SSPN: variants seen among roughly 807,000 people sequenced by gnomAD.
SSPN encodes the protein sarcospan.
In SSPN, 15 loss-of-function variants were observed where a neutral mutation model predicts 19.1. The observed-to-expected ratio is 0.78, with a 90% CI of 0.52 to 1.21. SSPN has a LOEUF of 1.21. Among genes scored for constraint, SSPN ranks in the 50% most tolerant of loss-of-function variants. The pLI, the probability that SSPN is intolerant of heterozygous loss-of-function variation, is 0.00. For synonymous variants in SSPN, 147 were observed against 140.3 expected, an observed-to-expected ratio of 1.05 and a Z score of -0.34; for missense variants, 291 against 314.0, an observed-to-expected ratio of 0.93 and a Z score of 0.55.
intron 1 of SSPN, among the ~76,000 whole-genome samples, chr12:26,136,579 T>C (rs1176339080): frequency 6.6e-6 from 1 of 152,194 alleles, no homozygotes; most frequent in East Asian, 1.9e-4. Context: ...TTGAGCTGCT[T>C]GGTTAAAATT....
intron 1 of SSPN, among the ~76,000 whole-genome samples, chr12:26,218,415 C>T (rs1945082918): frequency 8.7e-6 from 1 of 115,428 alleles, no homozygotes. Context: ...GTGCAGCGCA[C>T]CAGCATGGCA....
At chr12:26,201,029 A>ATATATAT (rs1944876391) in intron 1 of SSPN, among the ~76,000 whole-genome samples, 1 of 38,624 alleles carries the variant, frequency 2.6e-5, no homozygotes, top group African/African-American at 1.1e-4. Context: ...ATATATATAT[A>ATATATAT]TATATATATA....
intron 1 of SSPN, among the ~76,000 whole-genome samples, chr12:26,167,322 A>G (rs569222124): frequency 2.0e-5 from 3 of 152,042 alleles, no homozygotes; most frequent in Non-Finnish European, 2.9e-5. Flanking sequence ...TGTTTATGCT[A>G]CCTACATATT....
In SSPN at chr12:26,154,420, CA is replaced by C. The variant is rs577508433; in HGVS notation, c.-31+32269del. Among the ~76,000 whole-genome samples the C allele has an allele frequency of 4.9e-4, 74 of 152,272 alleles. 3 individuals carry two copies. The South Asian group carries it at 0.014, about 28-fold the overall frequency. Reference sequence around the variant, plus strand: ...AGATCAACACTGCATTAGAGTATGACACCTGAAATCTTAGCAGCAGGGCCTT... The same window carrying C: ...AGATCAACACTGCATTAGAGTATGACCCTGAAATCTTAGCAGCAGGGCCTT... On this transcript the variant is annotated intron_variant, in intron 1 of 2. Transcript: ENST00000538142.
chr12:26,123,263 C>T, intron 1 of SSPN: 1 of 1,423,242 alleles, frequency 7.0e-7, no homozygotes, highest in Non-Finnish European at 9.3e-7. Context: ...GTGGGCCCTG[C>T]ATCGACTAAA....
At chr12:26,180,719 A>G (rs759045247) in intron 1 of SSPN, 1 of 152,208 alleles carries the variant, frequency 6.6e-6, no homozygotes, top group African/African-American at 2.4e-5. Context: ...ATCTTTTGAG[A>G]GGAATGAGCA....
chr12:26,162,185 C>T (rs1944593400), intron 1 of SSPN, among the ~76,000 whole-genome samples: 1 of 152,128 alleles, frequency 6.6e-6, no homozygotes, highest in Admixed American at 6.5e-5. Context: ...CTGTTGCTAT[C>T]GAATTTGATC....
In SSPN at chr12:26,234,222, G is replaced by T. The variant is rs1004656154; in HGVS notation, c.*3146G>T. 6.6e-6 allele frequency: 1 copy of T among 152,024 alleles called. No individual in the cohort carries two copies. The highest frequency in any genetic ancestry group is 1.5e-5 in the Non-Finnish European group (1 of 68,004). 9.4% of individuals were successfully genotyped at this position (152,024 alleles called of 1,614,324 possible). On this transcript the variant is annotated 3_prime_UTR_variant, in exon 3 of 3. Transcript: ENST00000242729. ...ATATGTTTATAAAATTTTAGCAAGG[G>T]GTGAGATCAAGGGACAAAGGTAGAG...
chr12:26,133,092 C>A (rs192034212), intron 1 of SSPN, among the ~76,000 whole-genome samples: 84 of 152,324 alleles, frequency 5.5e-4, no homozygotes, highest in Non-Finnish European at 9.8e-4. Context: ...ATTTTCACAT[C>A]CTGAAAAGGA....
intron 1 of SSPN, among the ~76,000 whole-genome samples, chr12:26,149,101 T>G (rs957172180): frequency 6.6e-6 from 1 of 152,226 alleles, no homozygotes; most frequent in Non-Finnish European, 1.5e-5. Context: ...TTACTGTAAA[T>G]TGGTGAATAC....
At chr12:26,127,128 A>G (rs1944371511) in intron 1 of SSPN, among the ~76,000 whole-genome samples, 3 of 152,228 alleles carry the variant, frequency 2.0e-5, no homozygotes, top group Non-Finnish European at 4.4e-5. Flanking sequence ...TTTGGAGTAG[A>G]AAGGGGATGT....
intron 1 of SSPN, among the ~76,000 whole-genome samples, chr12:26,136,229 T>C (rs931281184): frequency 6.6e-6 from 1 of 152,240 alleles, no homozygotes; most frequent in African/African-American, 2.4e-5. Flanking sequence ...TGCCATTTTA[T>C]ATCAGGGGAC....
At chr12:26,174,285 G>A (rs1191831898) in intron 1 of SSPN, among the ~76,000 whole-genome samples, 1 of 152,120 alleles carries the variant, frequency 6.6e-6, no homozygotes, top group Non-Finnish European at 1.5e-5. Context: ...CATGCTTCAA[G>A]CTCCACTTAA....
intron 1 of SSPN, among the ~76,000 whole-genome samples, chr12:26,185,795 T>C (rs1944750097): frequency 1.3e-5 from 2 of 152,350 alleles, no homozygotes; most frequent in Admixed American, 6.5e-5. Flanking sequence ...CATGCTGTAG[T>C]AGAGCGACTT....
chr12:26,197,467 T>C (rs978337270), intron 1 of SSPN, among the ~76,000 whole-genome samples: 5 of 152,236 alleles, frequency 3.3e-5, no homozygotes, highest in Non-Finnish European at 5.9e-5. Flanking sequence ...GTCTGTCCTT[T>C]AATGCCAGGG....
In SSPN at chr12:26,209,934, T is replaced by C. The variant is rs139542039; in HGVS notation, c.279+13983T>C. Among the ~76,000 whole-genome samples, 39 of 152,136 alleles carry C rather than the reference T, an allele frequency of 2.6e-4. No homozygotes were observed. The East Asian group carries it at 7.1e-3, about 28-fold the overall frequency. Reference sequence around the variant, plus strand: ...TTCATCTTCCAAGAGGCTTTATGTATGATAACTTGATATAGCCTATTTGAG... The same window carrying C: ...TTCATCTTCCAAGAGGCTTTATGTACGATAACTTGATATAGCCTATTTGAG... On this transcript the variant is annotated intron_variant, in intron 1 of 2. Transcript: ENST00000242729.
intron 1 of SSPN, chr12:26,123,923 T>C: frequency 2.7e-6 from 2 of 741,638 alleles, no homozygotes; most frequent in Non-Finnish European, 4.7e-6. Flanking sequence ...TGGGAGCACC[T>C]ACTCCAGTTT....
intron 1 of SSPN, chr12:26,134,832 G>A (rs17463675): frequency 0.039 from 5,938 of 152,172 alleles, 152 homozygotes; most frequent in South Asian, 0.07. Context: ...ATGGAGATTA[G>A]AAAGTAGGTA....
chr12:26,124,858 C>A, intron 1 of SSPN: 10 of 1,388,400 alleles, frequency 7.2e-6, no homozygotes, highest in Non-Finnish European at 1.0e-5. Flanking sequence ...GCTTGGGAGA[C>A]CTTGGGGGGA....
Sources: gnomAD v4.1 joint callset for allele counts (sites outside exome capture counted in the v4.1 genomes callset) on GRCh38, gnomAD v4.1.1 for gene constraint, MANE v1.5 for transcripts, NCBI Gene and HGNC (gene_info 2026-07-23, HGNC 2026-07-21) for gene names.